MAGI1: variants seen among roughly 807,000 people sequenced by gnomAD.
MAGI1 encodes membrane associated guanylate kinase, WW and PDZ domain containing 1, also known as membrane-associated guanylate kinase, WW and PDZ domain-containing protein 1.
In MAGI1, 58 loss-of-function variants were observed where a neutral mutation model predicts 139.9. The ratio of observed to expected loss-of-function variants is 0.41; its 90% CI spans 0.34 to 0.52. The LOEUF (loss-of-function observed/expected upper bound fraction) is 0.52. Ranked by LOEUF, MAGI1 falls within the 20% of genes least tolerant of loss-of-function variation. The probability of loss-of-function intolerance (pLI) is 0.12; values close to 1 mark genes in which losing one functional copy is unlikely to be tolerated. For synonymous variants in MAGI1, 812 were observed against 737.9 expected (o/e 1.10, Z -1.63); for missense variants, 1,874 against 1,901.6 (o/e 0.99, Z 0.27).
chr3:65,574,143 G>C (rs1330700161), intron 2 of MAGI1, among the ~76,000 whole-genome samples: 1 of 151,572 alleles, frequency 6.6e-6, no homozygotes, highest in Non-Finnish European at 1.5e-5. Flanking sequence ...ATTTCTTTCT[G>C]CTTGTAACTT....
intron 1 of MAGI1, among the ~76,000 whole-genome samples, chr3:65,866,796 G>A (rs61543586): frequency 0.16 from 24,190 of 150,974 alleles, 2,487 homozygotes; most frequent in East Asian, 0.33. Flanking sequence ...TAGGAAAAAA[G>A]AACAAACAAA....
At chr3:65,752,852 CA>C (rs2036262258) in intron 1 of MAGI1, among the ~76,000 whole-genome samples, 1 of 152,304 alleles carries the variant, frequency 6.6e-6, no homozygotes, top group East Asian at 1.9e-4. Flanking sequence ...TCAGTGCAGC[CA>C]AAATCTTTCT....
intron 1 of MAGI1, among the ~76,000 whole-genome samples, chr3:65,934,660 G>A (rs1035636970): frequency 6.6e-6 from 1 of 151,814 alleles, no homozygotes; most frequent in African/African-American, 2.4e-5. Context: ...CCAGATTGTG[G>A]TGCAGTACAT....
intron 1 of MAGI1, among the ~76,000 whole-genome samples, chr3:65,856,841 T>C (rs933577542): frequency 2.6e-4 from 39 of 152,178 alleles, no homozygotes; most frequent in African/African-American, 8.9e-4. Flanking sequence ...TGCCTCTCCA[T>C]GGGAGTTTCT....
In MAGI1 at chr3:66,020,093, G is replaced by A. The variant is rs896942907; in HGVS notation, c.313+17903C>T. On this transcript the variant is annotated intron_variant, in intron 1 of 22. Coordinates refer to ENST00000402939, the MANE Select transcript of MAGI1 (RefSeq NM_001033057.2). Reference sequence around the variant, plus strand: ...GTTCCTCTGGGTCTCTCTCTCCCTGGCTGTGAGTAACAAGGCATATCACCC... The same window carrying A: ...GTTCCTCTGGGTCTCTCTCTCCCTGACTGTGAGTAACAAGGCATATCACCC... Among the ~76,000 whole-genome samples the A allele has an allele frequency of 2.6e-5, 4 of 152,130 alleles. No individual in the cohort carries two copies. The East Asian group carries it at 7.7e-4, about 29-fold the overall frequency.
chr3:65,437,901 T>G (rs1048862720), intron 9 of MAGI1, among the ~76,000 whole-genome samples: 1 of 152,118 alleles, frequency 6.6e-6, no homozygotes, highest in African/African-American at 2.4e-5. Context: ...ATTAAAAAAT[T>G]TTTAGACAAA....
intron 1 of MAGI1, among the ~76,000 whole-genome samples, chr3:65,812,006 T>C (rs2041273795): frequency 6.6e-6 from 1 of 151,712 alleles, no homozygotes; most frequent in African/African-American, 2.4e-5. Flanking sequence ...AACTATTTCT[T>C]TTTGCGCAAA....
intron 1 of MAGI1, among the ~76,000 whole-genome samples, chr3:65,954,250 T>G (rs2064004084): frequency 6.6e-6 from 1 of 152,096 alleles, no homozygotes; most frequent in African/African-American, 2.4e-5. Context: ...TTTGTTAGAG[T>G]TTGCACTTCT....
intron 1 of MAGI1, among the ~76,000 whole-genome samples, chr3:65,744,726 G>A (rs2035557869): frequency 1.3e-5 from 2 of 151,892 alleles, no homozygotes; most frequent in African/African-American, 4.8e-5. Context: ...AGAAAAAGAT[G>A]CGAAAGTATT....
intron 1 of MAGI1, among the ~76,000 whole-genome samples, chr3:65,872,614 G>A (rs1015625349): frequency 1.3e-5 from 2 of 152,158 alleles, no homozygotes; most frequent in Non-Finnish European, 2.9e-5. Context: ...AAAACACTCA[G>A]ACAATAAATA....
intron 12 of MAGI1, among the ~76,000 whole-genome samples, chr3:65,404,641 G>A (rs1264585201): frequency 6.6e-6 from 1 of 152,154 alleles, no homozygotes; most frequent in East Asian, 1.9e-4. Flanking sequence ...ACATATGAAT[G>A]CTGGAAAAAC....
intron 12 of MAGI1, among the ~76,000 whole-genome samples, chr3:65,406,812 T>TAC (rs71102853): frequency 0.095 from 14,374 of 151,694 alleles, 807 homozygotes; most frequent in Admixed American, 0.14. Context: ...TCTCTATATA[T>TAC]ATATATCGAG....
At chr3:65,984,466 C>A (rs759960664) in intron 1 of MAGI1, among the ~76,000 whole-genome samples, 38 of 151,508 alleles carry the variant, frequency 2.5e-4, no homozygotes, top group Non-Finnish European at 4.6e-4. Context: ...CATATTTCCC[C>A]TCTCCTTCTT....
At chr3:65,441,689 C>G (rs1417662019) in intron 8 of MAGI1, among the ~76,000 whole-genome samples, 1 of 152,266 alleles carries the variant, frequency 6.6e-6, no homozygotes, top group East Asian at 1.9e-4. Flanking sequence ...TTGGGGCACA[C>G]AAAAGAAATT....
intron 2 of MAGI1, among the ~76,000 whole-genome samples, chr3:65,573,204 C>G (rs930150789): frequency 6.6e-6 from 1 of 151,944 alleles, no homozygotes; most frequent in African/African-American, 2.4e-5. Context: ...TATTATACAA[C>G]TCATTTTTTC....
chr3:66,016,210 T>C (rs761562237), intron 1 of MAGI1, among the ~76,000 whole-genome samples: 1 of 152,144 alleles, frequency 6.6e-6, no homozygotes, highest in Non-Finnish European at 1.5e-5. Context: ...AGTCATTCAG[T>C]GTTGCCTTTG....
At chr3:65,871,915 G>C (rs74388467) in intron 1 of MAGI1, among the ~76,000 whole-genome samples, 1 of 152,078 alleles carries the variant, frequency 6.6e-6, no homozygotes. Context: ...TGCCTGGGTC[G>C]GTAACAGTTC....
chr3:65,419,964 A>T (rs1485069834), intron 12 of MAGI1, among the ~76,000 whole-genome samples: 3 of 152,030 alleles, frequency 2.0e-5, no homozygotes, highest in Non-Finnish European at 4.4e-5. Context: ...AGTCCTGCTG[A>T]CTATTCTTTA....
At chr3:65,943,555 A>G (rs2063413048) in intron 1 of MAGI1, among the ~76,000 whole-genome samples, 1 of 150,614 alleles carries the variant, frequency 6.6e-6, no homozygotes, top group Non-Finnish European at 1.5e-5. Flanking sequence ...CCCAGGTGAC[A>G]GTGCGAGACT....
Sources: allele counts gnomAD v4.1 joint callset (sites outside exome capture counted in the v4.1 genomes callset), GRCh38; gene constraint gnomAD v4.1.1; transcripts MANE v1.5; gene names NCBI Gene and HGNC (gene_info 2026-07-23, HGNC 2026-07-21).